The following PRPF8 variants were observed in gnomAD, a reference collection of about 807,000 sequenced individuals.
PRPF8 encodes pre-mRNA processing factor 8, also known as pre-mRNA-processing-splicing factor 8.
PRPF8 carries 64 observed loss-of-function variants against 285.9 expected under a neutral mutation model. The ratio of observed to expected loss-of-function variants is 0.22; its 90% CI spans 0.18 to 0.28. PRPF8 has a LOEUF of 0.28. Among genes scored for constraint, PRPF8 ranks in the 10% least tolerant of loss-of-function variants. The pLI is 1.00. For synonymous variants in PRPF8, 1,325 were observed against 1,118.2 expected (o/e 1.18, Z -3.69); for missense variants, 1,426 against 3,026.7 (o/e 0.47, Z 12.41).
chr17:1,665,436 G>A (rs1911916258), intron 24 of PRPF8, among the ~76,000 whole-genome samples: 2 of 152,052 alleles, frequency 1.3e-5, no homozygotes, highest in African/African-American at 4.8e-5. Flanking sequence ...TACTCAGGAG[G>A]CTGAGGCAGG....
In PRPF8 at chr17:1,675,494, G is replaced by C; in HGVS notation, c.2872+126C>G. On this transcript the variant is annotated intron_variant, in intron 19 of 42. Coordinates refer to ENST00000304992, the MANE Select transcript of PRPF8 (RefSeq NM_006445.4). This position sits in a 1 kb window ranked among gnomAD's most constrained non-coding sequence, Gnocchi z 6.0. The stretch of plus-strand genomic sequence containing the variant: ...TATGGGCTTTTCCTCAGTTTAACAC[G>C]AACACTACTTCCCTTTACTACCACG... 1 of 1,452,426 alleles carries C rather than the reference G, an allele frequency of 6.9e-7. No individual in the cohort carries two copies. Among genetic ancestry groups the C allele is most frequent in the African/African-American group, 1.4e-5 (1 of 71,402 alleles). The allele number at this position is 1,452,426 out of a possible 1,614,324, so 90.0% of individuals were successfully genotyped here. A position where few individuals can be genotyped will look rare whatever the true frequency, so the allele number is the denominator to read the frequency against.
Position 1,673,945 on chromosome 17 carries a change from AC to A in PRPF8, c.3300-54del. On this transcript the variant is annotated intron_variant, in intron 21 of 42. Coordinates refer to ENST00000304992, the MANE Select transcript of PRPF8 (RefSeq NM_006445.4). The surrounding 1 kb of genome is among the most constrained non-coding windows in gnomAD (Gnocchi z 5.5). The stretch of plus-strand genomic sequence containing the variant: ...GCCCCAGTACACTGAGATTTGGGAC[AC>A]CCACAAGTCCTCCAGCTCAATAGAC... The A allele has an allele frequency of 6.2e-7, 1 of 1,601,716 alleles. No individual in the cohort carries two copies.
intron 3 of PRPF8, chr17:1,682,876 C>G (rs895742596): frequency 5.7e-6 from 1 of 176,042 alleles, no homozygotes; most frequent in African/African-American, 2.4e-5. Flanking sequence ...AGTAGGGAAA[C>G]CTCTGAAATT....
chr17:1,682,101 C>T, intron 4 of PRPF8, 28 bp downstream of exon 4: 1 of 1,613,716 alleles, frequency 6.2e-7, no homozygotes, highest in Non-Finnish European at 8.5e-7. Context: ...ACCACCACCA[C>T]CACCCACCAT....
intron 24 of PRPF8, among the ~76,000 whole-genome samples, chr17:1,672,580 G>A (rs1359694152): frequency 1.3e-5 from 2 of 152,196 alleles, no homozygotes; most frequent in African/African-American, 2.4e-5. Flanking sequence ...ACCGTGCCCG[G>A]CCGAGGTAAC....
chr17:1,651,522 T>C lies in PRPF8; in HGVS notation c.6542A>G (p.Gln2181Arg). The C allele has an allele frequency of 6.2e-7, 1 of 1,614,156 alleles. No individual in the cohort carries two copies. The highest frequency in any genetic ancestry group is 8.5e-7 in the Non-Finnish European group (1 of 1,180,026). The change falls in exon 41 of 43, where the codon CAG becomes CGG. Residue 2181 changes from glutamine to arginine, a missense_variant. Physicochemically the swap from Gln to Arg is conservative, Grantham distance 43. This residue lies in a region of PRPF8 where 160 missense variants were observed against 373.7 expected (regional missense o/e 0.43). Coordinates refer to ENST00000304992, the MANE Select transcript of PRPF8 (RefSeq NM_006445.4). The surrounding 1 kb of genome is among the most constrained non-coding windows in gnomAD (Gnocchi z 5.1). ...TGATAACTGCGGGGACTCATTGGGC[T>C]GAGTGTGGATCCAACCTAAGGGTTC... ...EMEPLGWIHT[Q>R]PNESPQLSPQ... is the part of the protein sequence containing the mutation.
rs1448563660 is a variant in PRPF8 at position 1,650,707 on chromosome 17, A to G, written c.*95T>C. ...GGAGGTCAACAACACAAGCACAGAC[A>G]GAGGGAAAGAGGCCAAACTGCTGAA... On this transcript the variant is annotated 3_prime_UTR_variant, in exon 43 of 43. Coordinates refer to ENST00000304992, the MANE Select transcript of PRPF8 (RefSeq NM_006445.4). 3 of 1,430,296 alleles carry G rather than the reference A, an allele frequency of 2.1e-6. No homozygotes were observed. In the Admixed American group the frequency reaches 5.0e-5, roughly 24 times the overall value. 88.6% of individuals were successfully genotyped at this position (1,430,296 alleles called of 1,614,324 possible).
chr17:1,683,430 T>C (rs1597251600), intron 3 of PRPF8, 103 bp downstream of exon 3: 7 of 1,306,900 alleles, frequency 5.4e-6, no homozygotes, highest in Non-Finnish European at 1.1e-6. Context: ...CTTTCTCTTA[T>C]ATCCACCAAG....
chr17:1,678,682 A>T (rs1303161262), intron 12 of PRPF8, 30 bp from the exon 13 acceptor site: 1 of 1,613,990 alleles, frequency 6.2e-7, no homozygotes, highest in Non-Finnish European at 8.5e-7. Context: ...TCAGACCTGG[A>T]GCTTAAACCA....
intron 24 of PRPF8, among the ~76,000 whole-genome samples, chr17:1,663,303 A>T (rs116168685): frequency 0.017 from 2,487 of 142,806 alleles, 32 homozygotes; most frequent in South Asian, 0.076. Context: ...AAAATAATTT[A>T]AAAAAAAAAG....
intron 24 of PRPF8, among the ~76,000 whole-genome samples, chr17:1,671,783 G>A (rs1434600960): frequency 1.3e-5 from 2 of 151,130 alleles, no homozygotes; most frequent in African/African-American, 2.4e-5. Context: ...CCTGGGAGGC[G>A]GAGCTTGCGG....
rs374462540 is a variant in PRPF8, at chr17:1,650,765, C to G, written c.*37G>C. ...GGCCTGTCTGGAGGGGCTGAGGCTT[C>G]GGCCTCGGGAGGCTGAAGCAGGAGG... On this transcript the variant is annotated 3_prime_UTR_variant, in exon 43 of 43. Transcript: ENST00000304992. The G allele has an allele frequency of 8.7e-6, 14 of 1,612,356 alleles. No homozygotes were observed. The East Asian group carries it at 1.1e-4, about 13-fold the overall frequency.
chr17:1,677,323 T>C (rs1912656501), intron 14 of PRPF8, 151 bp from the exon 15 acceptor site: 1 of 977,524 alleles, frequency 1.0e-6, no homozygotes, highest in Non-Finnish European at 1.6e-6. Flanking sequence ...AAAGACGAGC[T>C]ACCTTAAACA....
At position 1,659,684 on chromosome 17, in the gene PRPF8, C is replaced by T; in HGVS notation, c.4947-136G>A. 7.3e-7 allele frequency: 1 copy of T among 1,362,646 alleles called. No homozygotes were observed. The highest frequency in any genetic ancestry group is 1.0e-6 in the Non-Finnish European group (1 of 977,176). 84.4% of individuals were successfully genotyped at this position (1,362,646 alleles called of 1,614,324 possible). ...CCAGGTCAGCAGGACCCCAGAGAAT[C>T]AGCAGATCTGACTAAGGGTGTTGAC... On this transcript the variant is annotated intron_variant, in intron 31 of 42. Coordinates refer to ENST00000304992, the MANE Select transcript of PRPF8 (RefSeq NM_006445.4). This position sits in a 1 kb window ranked among gnomAD's most constrained non-coding sequence, Gnocchi z 5.1.
In PRPF8 at chr17:1,661,649, C is replaced by G; in HGVS notation, c.4164G>C (p.Glu1388Asp). The G allele has an allele frequency of 6.2e-7, 1 of 1,613,894 alleles. No homozygotes were observed. Among genetic ancestry groups the G allele is most frequent in the Non-Finnish European group, 8.5e-7 (1 of 1,180,038 alleles). Residue 1388 changes from glutamate (E) to aspartate (D), a missense_variant, in exon 26 of 43, where the codon GAG becomes GAC. Physicochemically the swap from Glu to Asp is conservative, Grantham distance 45. Transcript: ENST00000304992. The surrounding 1 kb of genome is among the most constrained non-coding windows in gnomAD (Gnocchi z 7.3). The stretch of plus-strand genomic sequence containing the variant: ...TGGCCTCTTGCCTCTTGAGTGCGTA[C>G]TCAGCCCAGACCCGCTGAGAATCAA... ...EFIDSQRVWAEYALKRQEAIA... is the reference protein window; with the variant it reads ...EFIDSQRVWADYALKRQEAIA...
Position 1,680,467 on chromosome 17 carries a change from T to C in PRPF8, c.1098+259A>G, listed in dbSNP as rs764138751. 1.8e-5 allele frequency: 10 copies of C among 568,560 alleles called. 1 individual carries two copies. Among genetic ancestry groups the C allele is most frequent in the Non-Finnish European group, 2.8e-5 (9 of 317,456 alleles). The allele number at this position is 568,560 out of a possible 1,614,324, so 35.2% of individuals were successfully genotyped here. A position where few individuals can be genotyped will look rare whatever the true frequency, so the allele number is the denominator to read the frequency against. ...TAAAGGCTAAAACAAACAAACACAA[T>C]AGAGACAGACCGGGACAGATTATCT... is the stretch of plus-strand genomic sequence containing the variant. On this transcript the variant is annotated intron_variant, in intron 8 of 42. Coordinates refer to ENST00000304992, the MANE Select transcript of PRPF8 (RefSeq NM_006445.4).
rs1912417730 is a variant in PRPF8, at chr17:1,673,129, G to A, written c.3726C>T (p.Asn1242=). 1.2e-6 allele frequency: 2 copies of A among 1,614,228 alleles called. No homozygotes were observed. The highest frequency in any genetic ancestry group is 1.7e-6 in the Non-Finnish European group (2 of 1,180,048). The part of the protein sequence containing the change: ...VDDESMQRFH[N]RVRQILMASG... ...AGGCCATGAGAATCTGACGCACGCG[G>A]TTGTGGAAGCGCTGCATTGACTCAT... Residue 1242 remains asparagine (N), a synonymous_variant, in exon 24 of 43, where the codon AAC becomes AAT. Transcript: ENST00000304992. The surrounding 1 kb of genome is among the most constrained non-coding windows in gnomAD (Gnocchi z 5.5).
At chr17:1,662,545 T>C (rs372091578) in intron 24 of PRPF8, among the ~76,000 whole-genome samples, 6 of 150,146 alleles carry the variant, frequency 4.0e-5, no homozygotes, top group South Asian at 2.1e-4. Context: ...GCTGAGATTG[T>C]GCCACTGCAT....
In PRPF8 at chr17:1,673,559, G is replaced by A; in HGVS notation, c.3455C>T (p.Ala1152Val). 1 of 1,613,874 alleles carries A rather than the reference G, an allele frequency of 6.2e-7. No individual in the cohort carries two copies. Among genetic ancestry groups the A allele is most frequent in the Non-Finnish European group, 8.5e-7 (1 of 1,179,976 alleles). The change falls in exon 23 of 43, where the codon GCG (alanine) becomes GTG (valine). Residue 1152 changes from alanine to valine, a missense_variant. Transcript: ENST00000304992. The surrounding 1 kb of genome is among the most constrained non-coding windows in gnomAD (Gnocchi z 5.5). The stretch of plus-strand genomic sequence containing the variant: ...GCGGTTCTTGATGTCCCAGAATACC[G>A]CCCGGCCTCTGCCCACAGAGAACAC... ...LMKHDVNLGRAVFWDIKNRLP... is the reference protein window; with the variant it reads ...LMKHDVNLGRVVFWDIKNRLP...
Sources: allele counts gnomAD v4.1 joint callset (sites outside exome capture counted in the v4.1 genomes callset), GRCh38; gene constraint gnomAD v4.1.1; regional missense constraint gnomAD v4.1.1; non-coding constraint Gnocchi (gnomAD v3.1); transcripts MANE v1.5; gene names NCBI Gene and HGNC (gene_info 2026-07-23, HGNC 2026-07-21).